NRXN1: variants seen among roughly 807,000 people sequenced by gnomAD.
The protein encoded by NRXN1 is neurexin 1.
NRXN1 carries 39 observed loss-of-function variants against 150.9 expected under a neutral mutation model. The observed-to-expected ratio is 0.26, with a 90% confidence interval of 0.20 to 0.34. The LOEUF is 0.34. Ranked by LOEUF, NRXN1 falls within the 10% of genes least tolerant of loss-of-function variation. NRXN1 has a pLI of 1.00. For missense variants in NRXN1, 1,815 were observed against 1,949.9 expected (o/e 0.93, Z 1.30); for synonymous variants, 924 against 757.0 (o/e 1.22, Z -3.62).
At chr2:50,498,676 G>C (rs915815906) in intron 13 of NRXN1, among the ~76,000 whole-genome samples, 2 of 152,048 alleles carry the variant, frequency 1.3e-5, no homozygotes, top group Non-Finnish European at 2.9e-5. Context: ...CAAGGTTGAA[G>C]GTAAGATAAA....
chr2:50,807,610 C>T (rs1351235026), intron 5 of NRXN1, among the ~76,000 whole-genome samples: 1 of 152,074 alleles, frequency 6.6e-6, no homozygotes, highest in Non-Finnish European at 1.5e-5. Context: ...CAAATAATCC[C>T]TCCAGAGAAT....
At chr2:50,096,229 G>A (rs776942148) in intron 18 of NRXN1, among the ~76,000 whole-genome samples, 1 of 151,884 alleles carries the variant, frequency 6.6e-6, no homozygotes, top group Non-Finnish European at 1.5e-5. Flanking sequence ...ATAAATGATC[G>A]CCAAAGAGTT....
intron 9 of NRXN1, among the ~76,000 whole-genome samples, chr2:50,542,303 G>C (rs865958222): frequency 6.6e-6 from 1 of 151,934 alleles, no homozygotes; most frequent in Non-Finnish European, 1.5e-5. Flanking sequence ...GAGAGAGAGA[G>C]AGAGATAGAG....
In NRXN1 at chr2:50,254,227, G is replaced by A. The variant is rs547120142; in HGVS notation, c.3365-17257C>T. 3.8e-4 allele frequency among the ~76,000 whole-genome samples: 58 copies of A among 151,550 alleles called. 2 individuals are homozygous for A. Among genetic ancestry groups the A allele is most frequent in the Admixed American group, 1.1e-3 (17 of 15,240 alleles). On this transcript the variant is annotated intron_variant, in intron 17 of 22. Transcript: ENST00000401669. ...AGAGGTGTTTATAGTATACTCTGAT[G>A]GTTGGTTGTATTTCTGTGGGGTCAG...
chr2:50,103,208 T>C (rs1198783850), intron 18 of NRXN1, among the ~76,000 whole-genome samples: 1 of 152,102 alleles, frequency 6.6e-6, no homozygotes, highest in African/African-American at 2.4e-5. Flanking sequence ...AAAAGATTCA[T>C]CATTCTACGC....
chr2:50,414,519 T>A (rs991217907), intron 17 of NRXN1, among the ~76,000 whole-genome samples: 12 of 152,022 alleles, frequency 7.9e-5, no homozygotes, highest in Admixed American at 7.2e-4. Context: ...GATGTTTTTT[T>A]AATAAAAAAC....
chr2:50,653,658 A>C (rs1384701674), intron 5 of NRXN1, among the ~76,000 whole-genome samples: 1 of 152,208 alleles, frequency 6.6e-6, no homozygotes, highest in East Asian at 1.9e-4. Context: ...AATGAACAGA[A>C]GTTCAAATGT....
At chr2:50,215,999 T>C (rs2063369669) in intron 18 of NRXN1, among the ~76,000 whole-genome samples, 1 of 152,036 alleles carries the variant, frequency 6.6e-6, no homozygotes, top group Non-Finnish European at 1.5e-5. Context: ...TAAATATGCT[T>C]ATAAGTAGAT....
At chr2:50,585,113 T>C (rs1452276749) in intron 8 of NRXN1, among the ~76,000 whole-genome samples, 1 of 152,166 alleles carries the variant, frequency 6.6e-6, no homozygotes, top group African/African-American at 2.4e-5. Flanking sequence ...AATGTAGTAG[T>C]AGTTTAGCCC....
intron 13 of NRXN1, among the ~76,000 whole-genome samples, chr2:50,500,803 G>T (rs971953560): frequency 3.9e-5 from 6 of 152,188 alleles, no homozygotes; most frequent in African/African-American, 1.4e-4. Flanking sequence ...GTTAATATGT[G>T]CTCTGCGTTA....
chr2:50,547,585 C>T (rs1290269730), intron 9 of NRXN1: 1 of 152,172 alleles, frequency 6.6e-6, no homozygotes, highest in Non-Finnish European at 1.5e-5. Flanking sequence ...GCTGTAAGTC[C>T]TGCAAAAATT....
chr2:50,801,697 GT>G (rs1707620305), intron 5 of NRXN1, among the ~76,000 whole-genome samples: 1 of 152,110 alleles, frequency 6.6e-6, no homozygotes, highest in Admixed American at 6.6e-5. Flanking sequence ...TGAGAATCTA[GT>G]TTTTGTATAA....
At chr2:50,898,408 G>A (rs1359992454) in intron 5 of NRXN1, among the ~76,000 whole-genome samples, 1 of 152,128 alleles carries the variant, frequency 6.6e-6, no homozygotes, top group African/African-American at 2.4e-5. Context: ...TATAAGAGAG[G>A]AAGTGGCATG....
intron 17 of NRXN1, among the ~76,000 whole-genome samples, chr2:50,246,893 G>C (rs2066552439): frequency 6.6e-6 from 1 of 151,950 alleles, no homozygotes; most frequent in South Asian, 2.1e-4. Context: ...CCTGAAGAAA[G>C]GGATCTTGCT....
chr2:50,590,915 T>G (rs1674073173), intron 8 of NRXN1, among the ~76,000 whole-genome samples: 1 of 152,194 alleles, frequency 6.6e-6, no homozygotes, highest in Non-Finnish European at 1.5e-5. Context: ...TCTCAGCAAT[T>G]GGCTCACCAT....
chr2:51,027,671 C>T lies in NRXN1; in HGVS notation c.603G>A (p.Glu201=), dbSNP rs765618586. 3 of 1,602,962 alleles carry T rather than the reference C, an allele frequency of 1.9e-6. No individual in the cohort carries two copies. The highest frequency in any genetic ancestry group is 2.6e-6 in the Non-Finnish European group (3 of 1,174,844). The change falls in exon 2 of 23, where the codon GAG becomes GAA. Residue 201 remains glutamate (E), a synonymous_variant. Transcript: ENST00000401669. ...TGGGCGGCTCATCGTCCAGCTTCAC[C>T]TCGCCGCTGTCCACGGGCAGGACCT... ...SSQVLPVDSG[E]VKLDDEPPNS... is the part of the protein sequence containing the mutation.
intron 17 of NRXN1, among the ~76,000 whole-genome samples, chr2:50,372,791 C>T (rs1481944174): frequency 6.6e-6 from 1 of 151,896 alleles, no homozygotes; most frequent in East Asian, 1.9e-4. Flanking sequence ...AAATTCAATC[C>T]TCATTTCTAT....
chr2:50,412,382 C>G (rs908235568), intron 17 of NRXN1, among the ~76,000 whole-genome samples: 25 of 151,714 alleles, frequency 1.6e-4, no homozygotes, highest in Admixed American at 1.6e-3. Context: ...ACATAATTCT[C>G]TCCCTTTTAA....
intron 18 of NRXN1, among the ~76,000 whole-genome samples, chr2:50,147,279 C>A (rs531438926): frequency 3.3e-5 from 5 of 151,778 alleles, no homozygotes; most frequent in African/African-American, 1.2e-4. Flanking sequence ...CTAGGAAAAG[C>A]TAATTGCAAA....
Sources: allele counts gnomAD v4.1 joint callset (sites outside exome capture counted in the v4.1 genomes callset), GRCh38; gene constraint gnomAD v4.1.1; transcripts MANE v1.5; gene names NCBI Gene and HGNC (gene_info 2026-07-23, HGNC 2026-07-21).